The following TCF20 variants were observed in gnomAD, a reference collection of about 807,000 sequenced individuals.
TCF20 encodes transcription factor 20.
In TCF20, 3 loss-of-function variants were observed where a neutral mutation model predicts 148.6. The ratio of observed to expected loss-of-function variants is 0.02; its 90% CI spans 0.01 to 0.05. The LOEUF is 0.05. Among genes scored for constraint, TCF20 ranks in the 10% least tolerant of loss-of-function variants. The probability of loss-of-function intolerance (pLI) is 1.00; values close to 1 mark genes in which losing one functional copy is unlikely to be tolerated. For synonymous variants in TCF20, 1,049 were observed against 909.5 expected (o/e 1.15, Z -2.76); for missense variants, 2,350 against 2,429.3 (o/e 0.97, Z 0.69).
intron 1 of TCF20, among the ~76,000 whole-genome samples, chr22:42,234,115 C>T (rs1923666525): frequency 6.6e-6 from 1 of 152,186 alleles, no homozygotes; most frequent in African/African-American, 2.4e-5. Flanking sequence ...TCAAAATGCT[C>T]TTAACTGACC....
chr22:42,193,908 C>T (rs554293147), intron 2 of TCF20, among the ~76,000 whole-genome samples: 3 of 152,014 alleles, frequency 2.0e-5, no homozygotes, highest in African/African-American at 4.8e-5. Context: ...GTGTGGTGGT[C>T]GTATAATAAA....
In TCF20 at chr22:42,243,094, G is replaced by C. The variant is rs1050165190; in HGVS notation, c.-37+27245C>G. Among the ~76,000 whole-genome samples the C allele has an allele frequency of 2.6e-5, 4 of 151,736 alleles. No individual in the cohort carries two copies. The East Asian group carries it at 7.7e-4, about 29-fold the overall frequency. ...GAGTACAGGTGACTCCTGGGATAGT[G>C]AAACAATTCTGTATAATACTGTATT... is the stretch of plus-strand genomic sequence containing the variant. On this transcript the variant is annotated intron_variant, in intron 1 of 5. Coordinates refer to ENST00000677622, the MANE Select transcript of TCF20 (RefSeq NM_001378418.1).
In TCF20 at chr22:42,210,226, C is replaced by T. The variant is rs1022643690; in HGVS notation, c.5080G>A (p.Val1694Met). 2.5e-6 allele frequency: 4 copies of T among 1,614,104 alleles called. No individual in the cohort carries two copies. The African/African-American group carries it at 4.0e-5, about 16-fold the overall frequency. The change falls in exon 2 of 6, where the codon GTG (valine) becomes ATG (methionine). Residue 1694 changes from valine to methionine, a missense_variant. By Grantham distance (21) the Val-to-Met change is conservative. Transcript: ENST00000677622. The surrounding 1 kb of genome is among the most constrained non-coding windows in gnomAD (Gnocchi z 4.7). ...ASSFMLQGPV[V>M]TESSVMGHLV... ...TGCCCCATAACCGAAGACTCTGTCA[C>T]AACAGGTCCCTGCAGCATAAAGGAC...
intron 1 of TCF20, among the ~76,000 whole-genome samples, chr22:42,310,856 C>T (rs1927522767): frequency 6.6e-6 from 1 of 152,236 alleles, no homozygotes; most frequent in African/African-American, 2.4e-5. Context: ...GAGCCTGGGC[C>T]GCCCGCCTGC....
upstream of TCF20, among the ~76,000 whole-genome samples, chr22:42,272,988 TC>T (rs1208565586): frequency 6.6e-6 from 1 of 151,922 alleles, no homozygotes; most frequent in Admixed American, 6.6e-5. Flanking sequence ...ACAGTGAGAC[TC>T]CCCCTCATCT....
chr22:42,266,403 T>C (rs1669784048), intron 1 of TCF20, among the ~76,000 whole-genome samples: 1 of 152,234 alleles, frequency 6.6e-6, no homozygotes, highest in African/African-American at 2.4e-5. Context: ...TAGGTTGGAC[T>C]CATGAGAAAA....
chr22:42,234,749 T>TA (rs1213700683), intron 1 of TCF20, among the ~76,000 whole-genome samples: 1 of 152,202 alleles, frequency 6.6e-6, no homozygotes, highest in Non-Finnish European at 1.5e-5. Context: ...TAGTTACATC[T>TA]AAGTATCCAA....
At chr22:42,205,468 A>G (rs1051316612) in intron 2 of TCF20, among the ~76,000 whole-genome samples, 1 of 152,196 alleles carries the variant, frequency 6.6e-6, no homozygotes, top group Admixed American at 6.5e-5. Context: ...ACATAGGCCA[A>G]AATGGATCTC....
At chr22:42,293,274 G>A (rs1927166377) in intron 1 of TCF20, among the ~76,000 whole-genome samples, 1 of 152,204 alleles carries the variant, frequency 6.6e-6, no homozygotes, top group South Asian at 2.1e-4. Flanking sequence ...ACAGGAGCTG[G>A]ATACACCTGT....
chr22:42,201,628 C>G (rs1023438485), intron 2 of TCF20, among the ~76,000 whole-genome samples: 3 of 152,044 alleles, frequency 2.0e-5, no homozygotes, highest in African/African-American at 7.2e-5. Context: ...ATTAGCCAGG[C>G]ATGGTGGCAG....
intron 1 of TCF20, among the ~76,000 whole-genome samples, chr22:42,321,197 C>A (rs1927727006): frequency 6.6e-6 from 1 of 152,220 alleles, no homozygotes; most frequent in Admixed American, 6.5e-5. Context: ...CAGTGACGGA[C>A]AGAGGCTCCA....
chr22:42,342,217 G>A (rs916066471), intron 1 of TCF20, among the ~76,000 whole-genome samples: 8 of 152,160 alleles, frequency 5.3e-5, no homozygotes, highest in African/African-American at 1.4e-4. Context: ...TGGCAATGGC[G>A]TCCCAATGGA....
At chr22:42,201,352 A>G (rs1250409689) in intron 2 of TCF20, among the ~76,000 whole-genome samples, 1 of 152,148 alleles carries the variant, frequency 6.6e-6, no homozygotes, top group Non-Finnish European at 1.5e-5. Flanking sequence ...GTTTTAGGGG[A>G]GGAGGTGGAA....
chr22:42,214,353 G>T lies in TCF20; in HGVS notation c.953C>A (p.Pro318Gln). 1 of 1,614,166 alleles carries T rather than the reference G, an allele frequency of 6.2e-7. No homozygotes were observed. Among genetic ancestry groups the T allele is most frequent in the Non-Finnish European group, 8.5e-7 (1 of 1,180,034 alleles). The change falls in exon 2 of 6, where the codon CCG (proline) becomes CAG (glutamine). Residue 318 changes from proline (P) to glutamine (Q), a missense_variant. This residue lies in a region of TCF20 where 1,641 missense variants were observed against 1,662.6 expected (regional missense o/e 0.99). Coordinates refer to ENST00000677622, the MANE Select transcript of TCF20 (RefSeq NM_001378418.1). ...GTQQGQQQQQ[P>Q]QQQQHPSQHV... ...CTGAGAAGGGTGTTGTTGTTGCTGC[G>T]GTTGCTGCTGCTGCTGCCCCTGTTG...
chr22:42,206,271 A>G (rs1938377736), intron 2 of TCF20, among the ~76,000 whole-genome samples: 1 of 152,174 alleles, frequency 6.6e-6, no homozygotes, highest in Admixed American at 6.5e-5. Flanking sequence ...AAAGCAATAA[A>G]CAGGCTGGGC....
At chr22:42,181,347 C>T (rs541445000) in intron 2 of TCF20, among the ~76,000 whole-genome samples, 3 of 152,138 alleles carry the variant, frequency 2.0e-5, no homozygotes, top group African/African-American at 7.2e-5. Context: ...CCACGCCAGG[C>T]TAATTTTTGT....
chr22:42,174,221 T>TA (rs914565232), intron 3 of TCF20, among the ~76,000 whole-genome samples: 2,394 of 148,850 alleles, frequency 0.016, 51 homozygotes, highest in African/African-American at 0.052. Context: ...AAGTTTACAT[T>TA]AAAAAAAAAA....
At chr22:42,246,311 G>T (rs140888225) in intron 1 of TCF20, among the ~76,000 whole-genome samples, 1 of 152,168 alleles carries the variant, frequency 6.6e-6, no homozygotes, top group Non-Finnish European at 1.5e-5. Flanking sequence ...CGCCATGTTG[G>T]CCAGGCTGGT....
At chr22:42,320,269 T>C (rs1011450159) in intron 1 of TCF20, among the ~76,000 whole-genome samples, 1 of 152,186 alleles carries the variant, frequency 6.6e-6, no homozygotes, top group Admixed American at 6.5e-5. Context: ...CAGAGAGCCA[T>C]GGAATGCAGC....
Sources: allele counts gnomAD v4.1 joint callset (sites outside exome capture counted in the v4.1 genomes callset), GRCh38; gene constraint gnomAD v4.1.1; regional missense constraint gnomAD v4.1.1; non-coding constraint Gnocchi (gnomAD v3.1); transcripts MANE v1.5; gene names NCBI Gene and HGNC (gene_info 2026-07-23, HGNC 2026-07-21).